MTHFD2L: variants seen among roughly 807,000 people sequenced by gnomAD.
The protein encoded by MTHFD2L is methylenetetrahydrofolate dehydrogenase (NADP+ dependent) 2 like, also known as bifunctional methylenetetrahydrofolate dehydrogenase/cyclohydrolase 2, mitochondrial.
Under a neutral mutation model 34.9 loss-of-function variants are expected in MTHFD2L, and 29 were observed. That is an observed-to-expected ratio of 0.83 (90% confidence interval 0.62 to 1.13). The LOEUF (loss-of-function observed/expected upper bound fraction) is 1.13, where lower values mean the gene tolerates loss of function less well. Among genes scored for constraint, MTHFD2L ranks in the 50% most tolerant of loss-of-function variants. MTHFD2L has a pLI of 0.00. For synonymous variants in MTHFD2L, 167 were observed against 155.7 expected, an observed-to-expected ratio of 1.07 and a Z score of -0.54; for missense variants, 481 against 446.5, an observed-to-expected ratio of 1.08 and a Z score of -0.70.
chr4:74,154,571 C>A (rs191541644), upstream of MTHFD2L, among the ~76,000 whole-genome samples: 1 of 152,078 alleles, frequency 6.6e-6, no homozygotes, highest in Non-Finnish European at 1.5e-5. Context: ...ATTGTTCCAT[C>A]TTTGGGCATG....
At chr4:74,171,181 C>A (rs1199523332) in intron 1 of MTHFD2L, among the ~76,000 whole-genome samples, 1 of 151,784 alleles carries the variant, frequency 6.6e-6, no homozygotes, top group Non-Finnish European at 1.5e-5. Flanking sequence ...AAACAATGGG[C>A]AAAAGACTTA....
intron 7 of MTHFD2L, among the ~76,000 whole-genome samples, chr4:74,291,003 CTTTTTTTTTTTTTTTTT>C (rs10585551): frequency 2.0e-4 from 6 of 29,274 alleles, no homozygotes; most frequent in East Asian, 1.4e-3. Context: ...TTTTCCTTTT[CTTTTTTTTTTTTTTTTT>C]TTTTTTTTTT....
At chr4:74,174,289 T>C (rs1728595161) in intron 1 of MTHFD2L, among the ~76,000 whole-genome samples, 4 of 152,120 alleles carry the variant, frequency 2.6e-5, no homozygotes, top group African/African-American at 7.2e-5. Flanking sequence ...TTATAGCAGA[T>C]AGATTATACT....
intron 5 of MTHFD2L, among the ~76,000 whole-genome samples, chr4:74,221,514 C>T (rs1738186073): frequency 6.6e-6 from 1 of 150,656 alleles, no homozygotes; most frequent in African/African-American, 2.4e-5. Context: ...TAATGTGTGC[C>T]TCTTTGTTTT....
At chr4:74,267,957 A>C in intron 6 of MTHFD2L, 1 of 985,302 alleles carries the variant, frequency 1.0e-6, no homozygotes, top group African/African-American at 1.7e-5. Flanking sequence ...CTGGTACCAC[A>C]AGGAATAGAA....
intron 6 of MTHFD2L, among the ~76,000 whole-genome samples, chr4:74,230,007 C>T (rs1391537326): frequency 6.6e-6 from 1 of 152,000 alleles, no homozygotes; most frequent in Non-Finnish European, 1.5e-5. Flanking sequence ...ATAGTGGTTG[C>T]CCAGTAAATG....
upstream of MTHFD2L, among the ~76,000 whole-genome samples, chr4:74,120,268 G>T (rs1465246927): frequency 6.6e-6 from 1 of 152,176 alleles, no homozygotes; most frequent in Non-Finnish European, 1.5e-5. Context: ...AGGTACAATT[G>T]TTACAGAGAG....
At chr4:74,240,326 T>A (rs1447292230) in intron 6 of MTHFD2L, among the ~76,000 whole-genome samples, 1 of 152,184 alleles carries the variant, frequency 6.6e-6, no homozygotes, top group Non-Finnish European at 1.5e-5. Flanking sequence ...ATTATCTCGG[T>A]TCCCAAAATA....
chr4:74,130,289 G>T (rs1253879712), intron 1 of MTHFD2L, among the ~76,000 whole-genome samples: 1 of 151,956 alleles, frequency 6.6e-6, no homozygotes, highest in African/African-American at 2.4e-5. Context: ...ACAAAAAAAA[G>T]AAAACTTCAG....
intron 5 of MTHFD2L, among the ~76,000 whole-genome samples, chr4:74,218,540 T>G (rs1737590279): frequency 6.6e-6 from 1 of 152,044 alleles, no homozygotes; most frequent in Non-Finnish European, 1.5e-5. Flanking sequence ...ATTTATTGAT[T>G]ATTGAATAAA....
intron 1 of MTHFD2L, among the ~76,000 whole-genome samples, chr4:74,132,506 C>T (rs898380249): frequency 3.3e-5 from 5 of 152,128 alleles, no homozygotes; most frequent in Non-Finnish European, 5.9e-5. Flanking sequence ...CCAAACACCA[C>T]ATGTTCTCAC....
At chr4:74,295,111 T>C (rs950626355) in intron 7 of MTHFD2L, among the ~76,000 whole-genome samples, 1 of 152,084 alleles carries the variant, frequency 6.6e-6, no homozygotes. Context: ...TAAAAGCTTA[T>C]TCACCCTGAA....
intron 1 of MTHFD2L, among the ~76,000 whole-genome samples, chr4:74,171,322 A>C (rs886164124): frequency 6.0e-4 from 91 of 152,322 alleles, no homozygotes; most frequent in African/African-American, 2.1e-3. Flanking sequence ...CTAAAATGTC[A>C]ACAGTTTTAA....
At chr4:74,143,364 A>G in intron 1 of MTHFD2L, 1 of 972,764 alleles carries the variant, frequency 1.0e-6, no homozygotes, top group African/African-American at 1.8e-5. Context: ...TTTGAGAAAA[A>G]TATTTGTGAC....
At chr4:74,281,890 C>T (rs1318143640) in intron 7 of MTHFD2L, among the ~76,000 whole-genome samples, 1 of 152,020 alleles carries the variant, frequency 6.6e-6, no homozygotes, top group Non-Finnish European at 1.5e-5. Context: ...TGGGAGTTGA[C>T]ATCTTACTCT....
In MTHFD2L at chr4:74,254,800, A is replaced by G. The variant is rs186738716; in HGVS notation, c.806-26625A>G. On this transcript the variant is annotated intron_variant, in intron 6 of 7. Coordinates refer to ENST00000325278, the MANE Select transcript of MTHFD2L (RefSeq NM_001144978.3). ...CTTTTAACTTTAGTATGAAGATTAA[A>G]AGAGAACGGTATTAAAAAAGTAAAA... is the stretch of plus-strand genomic sequence containing the variant. 2.2e-4 allele frequency among the ~76,000 whole-genome samples: 32 copies of G among 142,418 alleles called. No homozygotes were observed. In the Middle Eastern group the frequency reaches 0.014, roughly 64 times the overall value. The allele number at this position is 142,418 out of a possible 152,430, so 93.4% of individuals were successfully genotyped here.
intron 1 of MTHFD2L, among the ~76,000 whole-genome samples, chr4:74,127,593 T>C (rs573527387): frequency 3.9e-5 from 6 of 152,304 alleles, no homozygotes; most frequent in Admixed American, 2.0e-4. Flanking sequence ...TTAGTTGTTG[T>C]GGCTGAAAAA....
intron 6 of MTHFD2L, among the ~76,000 whole-genome samples, chr4:74,253,206 G>A (rs1030652559): frequency 3.9e-5 from 6 of 152,114 alleles, no homozygotes; most frequent in Admixed American, 3.9e-4. Context: ...GTAAGCAGTA[G>A]TAGAAGAGAA....
At chr4:74,174,397 T>G in intron 1 of MTHFD2L, 109 bp from the exon 2 acceptor site, 1 of 834,122 alleles carries the variant, frequency 1.2e-6, no homozygotes, top group Non-Finnish European at 1.6e-6. Flanking sequence ...AAAATCAAAT[T>G]TTGGGTGCTT....
Sources: gnomAD v4.1 joint callset for allele counts (sites outside exome capture counted in the v4.1 genomes callset) on GRCh38, gnomAD v4.1.1 for gene constraint, MANE v1.5 for transcripts, NCBI Gene and HGNC (gene_info 2026-07-23, HGNC 2026-07-21) for gene names.